NCOA2: variants seen among roughly 807,000 people sequenced by gnomAD.
NCOA2 encodes the protein nuclear receptor coactivator 2, also known as class E basic helix-loop-helix protein 75.
A neutral mutation model predicts 145.1 loss-of-function variants in NCOA2; 21 were observed. The ratio of observed to expected loss-of-function variants is 0.14; its 90% CI spans 0.10 to 0.21. The LOEUF is 0.21. Among genes scored for constraint, NCOA2 ranks in the 10% least tolerant of loss-of-function variants. The pLI, the probability that NCOA2 is intolerant of heterozygous loss-of-function variation, is 1.00. For synonymous variants in NCOA2, 619 were observed against 637.5 expected, an observed-to-expected ratio of 0.97 and a Z score of 0.44; for missense variants, 1,472 against 1,837.6, an observed-to-expected ratio of 0.80 and a Z score of 3.64.
chr8:70,241,570 T>C (rs1822131403), intron 2 of NCOA2, among the ~76,000 whole-genome samples: 1 of 152,314 alleles, frequency 6.6e-6, no homozygotes, highest in Admixed American at 6.5e-5. Context: ...TCCTTGTCCA[T>C]TATGTTCATC....
chr8:70,420,041 C>T, the NCOA2 span, among the ~76,000 whole-genome samples: 1 of 152,132 alleles, frequency 6.6e-6, no homozygotes, highest in African/African-American at 2.4e-5. Flanking sequence ...TTTTCTCCTG[C>T]TATTAGACTG....
intron 22 of NCOA2, among the ~76,000 whole-genome samples, chr8:70,115,556 A>G (rs781114380): frequency 8.5e-5 from 13 of 152,224 alleles, no homozygotes; most frequent in East Asian, 5.8e-4. Context: ...TTGGAACATC[A>G]TAAGTGCTCA....
At chr8:70,388,365 T>A (rs1430069598) in intron 1 of NCOA2, among the ~76,000 whole-genome samples, 1 of 152,194 alleles carries the variant, frequency 6.6e-6, no homozygotes, top group Non-Finnish European at 1.5e-5. Context: ...TAGGCCTCTT[T>A]AGGATTCCTT....
chr8:70,198,193 A>T (rs1011900679), intron 4 of NCOA2, among the ~76,000 whole-genome samples: 2 of 152,228 alleles, frequency 1.3e-5, no homozygotes, highest in Admixed American at 1.3e-4. Context: ...GTTCCTCCAC[A>T]AAAGAGCTGT....
At chr8:70,135,803 A>C (rs902294769) in intron 15 of NCOA2, among the ~76,000 whole-genome samples, 1 of 152,138 alleles carries the variant, frequency 6.6e-6, no homozygotes, top group African/African-American at 2.4e-5. Flanking sequence ...ATAACTAATA[A>C]ACAAGCAGAG....
chr8:70,281,221 G>A (rs1386082078), intron 2 of NCOA2, among the ~76,000 whole-genome samples: 1 of 151,818 alleles, frequency 6.6e-6, no homozygotes, highest in African/African-American at 2.4e-5. Flanking sequence ...GGGCATGGTG[G>A]CACACACCTG....
intron 4 of NCOA2, among the ~76,000 whole-genome samples, chr8:70,176,602 T>C (rs897367330): frequency 6.6e-6 from 1 of 152,198 alleles, no homozygotes; most frequent in African/African-American, 2.4e-5. Flanking sequence ...ATCTTTTTCA[T>C]TGCCAAATAG....
chr8:70,159,242 A>ATATTTTTTTTTTTTTTTT, intron 10 of NCOA2, among the ~76,000 whole-genome samples: 14 of 61,072 alleles, frequency 2.3e-4, no homozygotes, highest in African/African-American at 7.6e-4. Flanking sequence ...ATATATATAT[A>ATATTTTTTTTTTTTTTTT]TTTTTTTTTT....
At chr8:70,418,650 G>T in the NCOA2 span, among the ~76,000 whole-genome samples, 1 of 152,116 alleles carries the variant, frequency 6.6e-6, no homozygotes, top group Non-Finnish European at 1.5e-5. Flanking sequence ...ACATTGGACT[G>T]CTTCTAACAT....
the NCOA2 span, among the ~76,000 whole-genome samples, chr8:70,419,764 T>C: frequency 6.6e-6 from 1 of 152,236 alleles, no homozygotes; most frequent in African/African-American, 2.4e-5. Flanking sequence ...AGTTTTGTCA[T>C]TTTAAGGCAC....
At chr8:70,331,968 A>G (rs1021688841) in intron 1 of NCOA2, among the ~76,000 whole-genome samples, 9 of 152,094 alleles carry the variant, frequency 5.9e-5, no homozygotes, top group African/African-American at 1.2e-4. Context: ...GGTCAACAGG[A>G]TTTTCTTTTA....
chr8:70,387,565 C>G (rs1463478781), intron 1 of NCOA2, among the ~76,000 whole-genome samples: 1 of 152,162 alleles, frequency 6.6e-6, no homozygotes, highest in African/African-American at 2.4e-5. Flanking sequence ...CCCAACACGA[C>G]TGCAATCTCT....
At chr8:70,315,342 A>G (rs908086820) in intron 1 of NCOA2, among the ~76,000 whole-genome samples, 27 of 152,344 alleles carry the variant, frequency 1.8e-4, no homozygotes, top group African/African-American at 6.0e-4. Flanking sequence ...TAGAGACCCA[A>G]AAGAAAATAC....
intron 9 of NCOA2, among the ~76,000 whole-genome samples, chr8:70,160,637 C>T (rs1812832727): frequency 1.8e-5 from 2 of 110,074 alleles, no homozygotes; most frequent in African/African-American, 6.7e-5. Context: ...CACCATGCCA[C>T]AAAACTGCCA....
rs763992922 is a variant in NCOA2 at position 70,128,844 on chromosome 8, G to C, written c.3461C>G (p.Pro1154Arg). 6.2e-7 allele frequency: 1 copy of C among 1,613,908 alleles called. No individual in the cohort carries two copies. The highest frequency in any genetic ancestry group is 8.5e-7 in the Non-Finnish European group (1 of 1,179,908). ...CCGCTGTCCCATGGTGTGAAAGTTT[G>C]GATCTTGCATGGGAGAATAGCTACC... ...AQGSYSPMQD[P>R]NFHTMGQRPS... The change falls in exon 17 of 23, where the codon CCA becomes CGA. Residue 1154 changes from proline (P) to arginine (R), a missense_variant. This residue lies in a region of NCOA2 where 953 missense variants were observed against 1,062.1 expected (regional missense o/e 0.90). Coordinates refer to ENST00000452400, the MANE Select transcript of NCOA2 (RefSeq NM_006540.4).
intron 13 of NCOA2, among the ~76,000 whole-genome samples, chr8:70,143,099 G>A (rs1283894303): frequency 2.0e-5 from 3 of 151,954 alleles, no homozygotes; most frequent in South Asian, 2.1e-4. Context: ...ACAGGTGCAC[G>A]CCACCACGCC....
chr8:70,302,857 G>GA (rs1430077561), intron 1 of NCOA2, among the ~76,000 whole-genome samples: 1 of 152,006 alleles, frequency 6.6e-6, no homozygotes, highest in African/African-American at 2.4e-5. Context: ...CAGATATATA[G>GA]AAAAAATATA....
chr8:70,355,875 T>C (rs1482200917), intron 1 of NCOA2, among the ~76,000 whole-genome samples: 2 of 152,196 alleles, frequency 1.3e-5, no homozygotes, highest in Non-Finnish European at 2.9e-5. Context: ...ATCCTCATTC[T>C]AGGAAATCAT....
the NCOA2 span, among the ~76,000 whole-genome samples, chr8:70,455,454 T>C: frequency 1.2e-4 from 19 of 152,286 alleles, no homozygotes; most frequent in African/African-American, 3.6e-4. Context: ...TCTGTTTACC[T>C]GGTGTATTTC....
Sources: allele counts gnomAD v4.1 joint callset (sites outside exome capture counted in the v4.1 genomes callset), GRCh38; gene constraint gnomAD v4.1.1; regional missense constraint gnomAD v4.1.1; transcripts MANE v1.5; gene names NCBI Gene and HGNC (gene_info 2026-07-23, HGNC 2026-07-21).